FGF13: variants seen among roughly 807,000 people sequenced by gnomAD.
The protein encoded by FGF13 is fibroblast growth factor 13, also known as fibroblast growth factor homologous factor 2.
Under a neutral mutation model 19.5 loss-of-function variants are expected in FGF13, and 2 were observed. The observed-to-expected ratio is 0.10, with a 90% confidence interval of 0.04 to 0.32. The LOEUF (loss-of-function observed/expected upper bound fraction) is 0.32, where lower values mean the gene tolerates loss of function less well. Ranked by LOEUF, FGF13 falls within the 10% of genes least tolerant of loss-of-function variation. FGF13 has a pLI of 1.00. For missense variants in FGF13, 113 were observed against 192.7 expected (o/e 0.59, Z 2.45); for synonymous variants, 72 against 76.9 (o/e 0.94, Z 0.33).
At chrX:138,823,462 T>G (rs1176551256) in intron 3 of FGF13, among the ~76,000 whole-genome samples, 2 of 109,619 alleles carry the variant, frequency 1.8e-5, no homozygotes, top group Non-Finnish European at 3.8e-5. Context: ...CTGTTTCCCC[T>G]TTTTTTTCCT....
At chrX:139,130,136 A>C (rs778925986) in intron 1 of FGF13, among the ~76,000 whole-genome samples, 1 of 112,182 alleles carries the variant, frequency 8.9e-6, no homozygotes, top group South Asian at 3.7e-4. Flanking sequence ...TCTTCTATAC[A>C]AATTTTGCTA....
chrX:138,742,650 G>A (rs1269278382), upstream of FGF13, among the ~76,000 whole-genome samples: 1 of 111,897 alleles, frequency 8.9e-6, no homozygotes, highest in African/African-American at 3.3e-5. Context: ...AGGAGTTACA[G>A]ATCTCCAAGC....
chrX:139,077,404 T>C (rs1478932393), intron 1 of FGF13, among the ~76,000 whole-genome samples: 1 of 111,962 alleles, frequency 8.9e-6, no homozygotes, highest in Admixed American at 9.5e-5. Context: ...GAATTTTTGT[T>C]ATACTCTATT....
intron 1 of FGF13, among the ~76,000 whole-genome samples, chrX:139,080,159 G>A (rs900934863): frequency 9.0e-6 from 1 of 110,795 alleles, no homozygotes; most frequent in African/African-American, 3.3e-5. Flanking sequence ...TATTCTACAA[G>A]GCCCCCATGC....
intron 3 of FGF13, among the ~76,000 whole-genome samples, chrX:138,661,879 T>G (rs992119292): frequency 8.9e-6 from 1 of 111,820 alleles, no homozygotes; most frequent in African/African-American, 3.2e-5. Flanking sequence ...AAAATCTCAC[T>G]AAGTACTATT....
chrX:139,163,596 T>C (rs1331083537), intron 1 of FGF13, among the ~76,000 whole-genome samples: 2 of 111,055 alleles, frequency 1.8e-5, no homozygotes, highest in African/African-American at 6.6e-5. Flanking sequence ...AACTCAAGGA[T>C]AGTGAGGGAG....
rs758223953 is a variant in FGF13 at position 138,909,048 on chromosome X, G to A, written c.-112-44398C>T. On this transcript the variant is annotated intron_variant, in intron 1 of 2. Coordinates refer to the FGF13 transcript ENST00000421460. ...GAAACACAGCAATGTACCAGAATTTGAACCTAAGGCTGCTTAGACATGCTA... is the reference window on the plus strand; with the variant it reads ...GAAACACAGCAATGTACCAGAATTTAAACCTAAGGCTGCTTAGACATGCTA... 3.6e-5 allele frequency among the ~76,000 whole-genome samples: 4 copies of A among 112,150 alleles called. No individual in the cohort carries two copies. The South Asian group carries it at 1.5e-3, about 42-fold the overall frequency.
At chrX:138,772,807 C>T (rs1213214492) in intron 3 of FGF13, among the ~76,000 whole-genome samples, 1 of 110,801 alleles carries the variant, frequency 9.0e-6, no homozygotes, top group African/African-American at 3.3e-5. Context: ...AGGAAGTACC[C>T]TAAGTATAAA....
intron 1 of FGF13, among the ~76,000 whole-genome samples, chrX:139,000,607 T>C (rs1057417088): frequency 9.0e-6 from 1 of 110,811 alleles, no homozygotes; most frequent in Non-Finnish European, 1.9e-5. Flanking sequence ...GAGAATAAAA[T>C]ACCTAGGAAT....
intron 1 of FGF13, among the ~76,000 whole-genome samples, chrX:138,917,346 G>C (rs1328431431): frequency 8.9e-6 from 1 of 111,847 alleles, no homozygotes; most frequent in Non-Finnish European, 1.9e-5. Context: ...AGAGATACCA[G>C]ACTATCCTCT....
At chrX:138,925,895 G>T (rs965694137) in intron 1 of FGF13, among the ~76,000 whole-genome samples, 7 of 111,795 alleles carry the variant, frequency 6.3e-5, no homozygotes, top group African/African-American at 2.0e-4. Flanking sequence ...GGAAAAGAGG[G>T]CATGGAAGAG....
rs753687665 is a variant in FGF13 at position 138,663,631 on chromosome X, CATT to C, written c.403-27979_403-27977del. Among the ~76,000 whole-genome samples the C allele has an allele frequency of 3.6e-5, 4 of 111,680 alleles. No homozygotes were observed. In the South Asian group the frequency reaches 1.5e-3, roughly 42 times the overall value. On this transcript the variant is annotated intron_variant, in intron 3 of 4. Coordinates refer to ENST00000315930, the MANE Select transcript of FGF13 (RefSeq NM_004114.5). Reference sequence around the variant, plus strand: ...CTGTATCTAGTCCCAAATGAATCATCATTGACTACTCTCCCTCACCCAACATTA... The same window carrying C: ...CTGTATCTAGTCCCAAATGAATCATCGACTACTCTCCCTCACCCAACATTA...
intron 1 of FGF13, among the ~76,000 whole-genome samples, chrX:139,148,551 C>T (rs1392778087): frequency 5.8e-5 from 6 of 104,042 alleles, no homozygotes; most frequent in African/African-American, 2.1e-4. Context: ...AGCTCTGATC[C>T]AAAATGCTAT....
At chrX:138,876,833 A>G (rs1331003505) in intron 1 of FGF13, among the ~76,000 whole-genome samples, 1 of 112,278 alleles carries the variant, frequency 8.9e-6, no homozygotes, top group East Asian at 2.8e-4. Flanking sequence ...GGATCTCTCT[A>G]TGTGGTCTAT....
At chrX:139,027,231 CT>C (rs1482927181) in intron 1 of FGF13, among the ~76,000 whole-genome samples, 1 of 112,273 alleles carries the variant, frequency 8.9e-6, no homozygotes, top group African/African-American at 3.2e-5. Context: ...TGTACTGTCA[CT>C]TGCAATATAA....
intron 1 of FGF13, among the ~76,000 whole-genome samples, chrX:139,186,101 C>T (rs1799319697): frequency 9.0e-6 from 1 of 111,531 alleles, no homozygotes; most frequent in African/African-American, 3.3e-5. Context: ...TTTATTTGGG[C>T]AATATTTATA....
chrX:139,095,114 A>G (rs1173065814), intron 1 of FGF13, among the ~76,000 whole-genome samples: 1 of 112,151 alleles, frequency 8.9e-6, no homozygotes, highest in Admixed American at 9.4e-5. Flanking sequence ...CTCTTCTTTA[A>G]TTGAGGAAGC....
chrX:138,806,577 G>C (rs780784716), intron 3 of FGF13: 1 of 112,275 alleles, frequency 8.9e-6, no homozygotes, highest in Admixed American at 9.5e-5. Context: ...TGATATCTTG[G>C]AGAAACTGGA....
chrX:139,005,680 A>T (rs1343119832), intron 1 of FGF13, among the ~76,000 whole-genome samples: 10 of 110,009 alleles, frequency 9.1e-5, no homozygotes, highest in African/African-American at 3.3e-4. Context: ...AACTCAAAGA[A>T]ATTCAAGAAA....
Sources: gnomAD v4.1 joint callset for allele counts (sites outside exome capture counted in the v4.1 genomes callset) on GRCh38, gnomAD v4.1.1 for gene constraint, MANE v1.5 for transcripts, NCBI Gene and HGNC (gene_info 2026-07-23, HGNC 2026-07-21) for gene names.